ADAMTS20: variants seen among roughly 807,000 people sequenced by gnomAD.
ADAMTS20 encodes A disintegrin and metalloproteinase with thrombospondin motifs 20.
Under a neutral mutation model 260.1 loss-of-function variants are expected in ADAMTS20, and 225 were observed. That is an observed-to-expected ratio of 0.87 (90% confidence interval 0.78 to 0.97). The LOEUF is 0.97. ADAMTS20 is among the 50% of genes least tolerant of loss of function. ADAMTS20 has a pLI of 0.00. For synonymous variants in ADAMTS20, 802 were observed against 769.5 expected (o/e 1.04, Z -0.70); for missense variants, 2,400 against 2,337.7 (o/e 1.03, Z -0.55).
Position 43,552,051 on chromosome 12 carries a change from C to G in ADAMTS20, c.-130G>C, listed in dbSNP as rs1943526314. 2 of 746,914 alleles carry G rather than the reference C, an allele frequency of 2.7e-6. No homozygotes were observed. The highest frequency in any genetic ancestry group is 4.5e-6 in the Non-Finnish European group (2 of 447,544). 46.3% of individuals were successfully genotyped at this position (746,914 alleles called of 1,614,324 possible). ...CTCCGCGCCTCAGCAGCCTAGGGAA[C>G]AGCAGCGCGGGCCCTGGGCCGGCTG... On this transcript the variant is annotated 5_prime_UTR_variant, in exon 1 of 39. Coordinates refer to ENST00000389420, the MANE Select transcript of ADAMTS20 (RefSeq NM_025003.5).
At chr12:43,522,303 A>G (rs1430025792) in intron 3 of ADAMTS20, among the ~76,000 whole-genome samples, 1 of 152,216 alleles carries the variant, frequency 6.6e-6, no homozygotes, top group East Asian at 1.9e-4. Flanking sequence ...GCATAAGGGA[A>G]GCCACTTCCA....
intron 28 of ADAMTS20, among the ~76,000 whole-genome samples, chr12:43,404,929 T>G (rs1035854649): frequency 3.3e-5 from 5 of 152,044 alleles, no homozygotes; most frequent in African/African-American, 9.7e-5. Context: ...TAGCCTAAAT[T>G]ATTGCCAGCT....
At chr12:43,356,395 A>G (rs997437748) in intron 38 of ADAMTS20, 89 bp downstream of exon 38, 5 of 769,742 alleles carry the variant, frequency 6.5e-6, no homozygotes, top group East Asian at 2.7e-5. Context: ...TCAATTTCAT[A>G]TAAGTTTACA....
At position 43,443,843 on chromosome 12, in the gene ADAMTS20, G is replaced by T. The variant is rs769673687; in HGVS notation, c.2238C>A (p.Asn746Lys). 2.0e-5 allele frequency: 33 copies of T among 1,613,094 alleles called. No homozygotes were observed. The South Asian group carries it at 3.6e-4, about 18-fold the overall frequency. The change falls in exon 16 of 39, where the codon AAC becomes AAA. Residue 746 changes from asparagine (N) to lysine (K), a missense_variant. Coordinates refer to ENST00000389420, the MANE Select transcript of ADAMTS20 (RefSeq NM_025003.5). ...AATAGCTGTACTGACGAATGTCAACGTTTGTTGCTCCTGCGGGAATCTTTA... is the reference window on the plus strand; with the variant it reads ...AATAGCTGTACTGACGAATGTCAACTTTTGTTGCTCCTGCGGGAATCTTTA... ...VVVKIPAGAT[N>K]VDIRQYSYSG...
At chr12:43,526,670 T>G (rs1020982667) in intron 3 of ADAMTS20, among the ~76,000 whole-genome samples, 1 of 152,210 alleles carries the variant, frequency 6.6e-6, no homozygotes, top group Non-Finnish European at 1.5e-5. Flanking sequence ...TCAAAATCTT[T>G]GGGACAGGGC....
chr12:43,373,824 C>T (rs1319972874), intron 36 of ADAMTS20, among the ~76,000 whole-genome samples: 5 of 149,822 alleles, frequency 3.3e-5, no homozygotes, highest in African/African-American at 1.2e-4. Context: ...GGACTACAGG[C>T]GCCCGCCACT....
chr12:43,437,407 T>G (rs1165948317), intron 18 of ADAMTS20, among the ~76,000 whole-genome samples: 1 of 152,154 alleles, frequency 6.6e-6, no homozygotes, highest in African/African-American at 2.4e-5. Flanking sequence ...GAATGGCATC[T>G]TAATTACCAG....
At chr12:43,495,139 C>G (rs1462654176) in intron 4 of ADAMTS20, among the ~76,000 whole-genome samples, 1 of 152,118 alleles carries the variant, frequency 6.6e-6, no homozygotes, top group Non-Finnish European at 1.5e-5. Flanking sequence ...CGGAAGGAAA[C>G]AGATGCTGCA....
chr12:43,478,703 A>T (rs1942396790), intron 7 of ADAMTS20, among the ~76,000 whole-genome samples: 1 of 152,178 alleles, frequency 6.6e-6, no homozygotes, highest in South Asian at 2.1e-4. Flanking sequence ...GGCACAACAC[A>T]ATCATATATT....
chr12:43,375,247 A>G, intron 36 of ADAMTS20, 132 bp downstream of exon 36: 1 of 912,894 alleles, frequency 1.1e-6, no homozygotes, highest in Non-Finnish European at 1.6e-6. Context: ...ACTGTTTTTA[A>G]AAAAAGTAAG....
At chr12:43,448,975 G>T (rs1941812271) in intron 14 of ADAMTS20, among the ~76,000 whole-genome samples, 1 of 152,082 alleles carries the variant, frequency 6.6e-6, no homozygotes, top group Non-Finnish European at 1.5e-5. Context: ...TTATTAAAAA[G>T]TCAAAAAATA....
chr12:43,434,844 T>A (rs554816908), intron 18 of ADAMTS20, among the ~76,000 whole-genome samples: 1 of 152,320 alleles, frequency 6.6e-6, no homozygotes, highest in East Asian at 1.9e-4. Context: ...AGGCTTTTTA[T>A]CAACCGACTG....
chr12:43,489,668 T>G (rs1335251182), intron 7 of ADAMTS20, among the ~76,000 whole-genome samples: 1 of 151,862 alleles, frequency 6.6e-6, no homozygotes, highest in Non-Finnish European at 1.5e-5. Flanking sequence ...AGAAAATAAT[T>G]TGTTATATCT....
chr12:43,442,128 A>G (rs1430896336), intron 16 of ADAMTS20, among the ~76,000 whole-genome samples: 1 of 152,244 alleles, frequency 6.6e-6, no homozygotes, highest in African/African-American at 2.4e-5. Flanking sequence ...ACCAAACGTC[A>G]TAAACATAAA....
chr12:43,357,939 T>C (rs1224290229), intron 37 of ADAMTS20, among the ~76,000 whole-genome samples: 1 of 152,220 alleles, frequency 6.6e-6, no homozygotes, highest in East Asian at 1.9e-4. Flanking sequence ...AAAGAATTGA[T>C]TCTTAGGATA....
intron 14 of ADAMTS20, among the ~76,000 whole-genome samples, chr12:43,448,758 C>G (rs944087349): frequency 1.3e-5 from 2 of 151,990 alleles, no homozygotes; most frequent in African/African-American, 4.8e-5. Context: ...GGTCTATTAT[C>G]CAGCATCTAT....
Position 43,430,396 on chromosome 12 carries a change from C to T in ADAMTS20, c.3337G>A (p.Glu1113Lys). Residue 1113 changes from glutamate to lysine, a missense_variant, in exon 23 of 39, where the codon GAG becomes AAG. Coordinates refer to ENST00000389420, the MANE Select transcript of ADAMTS20 (RefSeq NM_025003.5). ...CVNELASAVL[E>K]DTECHEASRP... ...CTAGCTTCATGGCATTCTGTGTCCTCTAACACTGCACTAGCTAGCTCATTG... is the reference window on the plus strand; with the variant it reads ...CTAGCTTCATGGCATTCTGTGTCCTTTAACACTGCACTAGCTAGCTCATTG... The T allele has an allele frequency of 1.9e-6, 3 of 1,613,088 alleles. No homozygotes were observed. The highest frequency in any genetic ancestry group is 2.5e-6 in the Non-Finnish European group (3 of 1,179,372).
chr12:43,400,428 T>C (rs1398890720), intron 28 of ADAMTS20, among the ~76,000 whole-genome samples: 1 of 152,054 alleles, frequency 6.6e-6, no homozygotes, highest in East Asian at 1.9e-4. Context: ...ACTAGCAATA[T>C]GTTGCAATAA....
At position 43,428,653 on chromosome 12, in the gene ADAMTS20, T is replaced by C. The variant is rs1389020711; in HGVS notation, c.3636A>G (p.Gln1212=). 1 of 1,595,292 alleles carries C rather than the reference T, an allele frequency of 6.3e-7. No homozygotes were observed. The highest frequency in any genetic ancestry group is 8.5e-7 in the Non-Finnish European group (1 of 1,169,612). ...TACTTACGGGTGACCAATCCCCTGC[T>C]TGCCACTCTCCACAAGGGGTAAAAC... ...WDCFTPCGEW[Q]AGDWSPCSAS... Residue 1212 remains glutamine (Q), a synonymous_variant, in exon 25 of 39, where the codon CAA becomes CAG. Transcript: ENST00000389420.
Sources: allele counts gnomAD v4.1 joint callset (sites outside exome capture counted in the v4.1 genomes callset), GRCh38; gene constraint gnomAD v4.1.1; transcripts MANE v1.5; gene names NCBI Gene and HGNC (gene_info 2026-07-23, HGNC 2026-07-21).